Variants in C19orf84 observed in about 807,000 individuals in gnomAD.
C19orf84 encodes piRNA-mediated silencing protein C19orf84.
C19orf84 carries 1 observed loss-of-function variant against 4.0 expected under a neutral mutation model. The observed-to-expected ratio is 0.25, with a 90% CI of 0.09 to 1.19. The LOEUF (loss-of-function observed/expected upper bound fraction) is 1.19. Among genes scored for constraint, C19orf84 ranks in the 50% most tolerant of loss-of-function variants. The probability of loss-of-function intolerance (pLI) is 0.50; values close to 1 mark genes in which losing one functional copy is unlikely to be tolerated. For synonymous variants in C19orf84, 123 were observed against 109.6 expected (o/e 1.12, Z -0.76); for missense variants, 224 against 246.8 (o/e 0.91, Z 0.62).
chr19:51,389,096 G>C lies in C19orf84; in HGVS notation c.449C>G (p.Thr150Arg), dbSNP rs1987194558. 8.5e-6 allele frequency: 13 copies of C among 1,525,936 alleles called. No individual in the cohort carries two copies. Among genetic ancestry groups the C allele is most frequent in the Non-Finnish European group, 1.1e-5 (13 of 1,140,604 alleles). 94.5% of individuals were successfully genotyped at this position (1,525,936 alleles called of 1,614,324 possible). ...AGGCAGTGTTGGTGGTGATGGCAGT[G>C]TCATTGGTGGGGTCCTGGGGCCAGC... Reference protein sequence around the residue: ...PGAGPRTPPMTLPSPPTLPAQ... With the variant: ...PGAGPRTPPMRLPSPPTLPAQ... Residue 150 changes from threonine to arginine, a missense_variant, in exon 2 of 2, where the codon ACA becomes AGA. Coordinates refer to ENST00000574814, the MANE Select transcript of C19orf84 (RefSeq NM_001193623.2). The surrounding 1 kb of genome is among the most constrained non-coding windows in gnomAD (Gnocchi z 4.7).
intron 1 of C19orf84, among the ~76,000 whole-genome samples, chr19:51,390,170 T>G (rs1253502991): frequency 2.0e-5 from 3 of 151,954 alleles, no homozygotes; most frequent in South Asian, 2.1e-4. Context: ...GAGAGACAGA[T>G]TTCTCCATGT....
rs966880644 is a variant in C19orf84, at chr19:51,389,759, T to C, written c.36-250A>G. The stretch of plus-strand genomic sequence containing the variant: ...CAATTCCTGGTGGCCTCGCTTTTGG[T>C]GGTGTATCTTTGGACAAATCATTTT... On this transcript the variant is annotated intron_variant, in intron 1 of 1. Transcript: ENST00000574814. This position sits in a 1 kb window ranked among gnomAD's most constrained non-coding sequence, Gnocchi z 4.7. Among the ~76,000 whole-genome samples the C allele has an allele frequency of 6.6e-6, 1 of 152,204 alleles. No individual in the cohort carries two copies.
chr19:51,390,565 TC>T lies in C19orf84; in HGVS notation c.-54del. 6.6e-7 allele frequency: 1 copy of T among 1,504,850 alleles called. No homozygotes were observed. Among genetic ancestry groups the T allele is most frequent in the Non-Finnish European group, 8.9e-7 (1 of 1,129,174 alleles). The allele number at this position is 1,504,850 out of a possible 1,614,324, so 93.2% of individuals were successfully genotyped here. On this transcript the variant is annotated 5_prime_UTR_variant, in exon 1 of 2. Transcript: ENST00000574814. ...CTAGCAACTTCGCCTCCGAGATCCT[TC>T]GGGGGCCCGGGAAGGTTGGGGAGGG... is the stretch of plus-strand genomic sequence containing the variant.
At chr19:51,390,057 CA>C (rs1221104808) in intron 1 of C19orf84, among the ~76,000 whole-genome samples, 3 of 151,988 alleles carry the variant, frequency 2.0e-5, no homozygotes, top group Admixed American at 2.0e-4. Flanking sequence ...TGGCTCAACG[CA>C]ACCTCTGCCT....
chr19:51,389,010 C>T lies in C19orf84; in HGVS notation c.535G>A (p.Ala179Thr). The change falls in exon 2 of 2, where the codon GCT becomes ACT. Residue 179 changes from alanine to threonine, a missense_variant. Coordinates refer to ENST00000574814, the MANE Select transcript of C19orf84 (RefSeq NM_001193623.2). This position sits in a 1 kb window ranked among gnomAD's most constrained non-coding sequence, Gnocchi z 4.7. ...TAGTACTCTGTCTCCCAGTCCTCAG[C>T]AGCCAGTGGTGTTTCCAGGGGTGGC... is the stretch of plus-strand genomic sequence containing the variant. ...PEPPLETPLA[A>T]EDWETEY is the part of the protein sequence containing the mutation. The T allele has an allele frequency of 6.5e-7, 1 of 1,536,092 alleles. No homozygotes were observed. Among genetic ancestry groups the T allele is most frequent in the Non-Finnish European group, 8.7e-7 (1 of 1,146,892 alleles).
rs540448668 is a variant in C19orf84 at position 51,389,938 on chromosome 19, G to A, written c.36-429C>T. 4.9e-4 allele frequency among the ~76,000 whole-genome samples: 75 copies of A among 151,964 alleles called. No individual in the cohort carries two copies. Among genetic ancestry groups the A allele is most frequent in the Admixed American group, 1.1e-3 (17 of 15,270 alleles). On this transcript the variant is annotated intron_variant, in intron 1 of 1. Coordinates refer to ENST00000574814, the MANE Select transcript of C19orf84 (RefSeq NM_001193623.2). The surrounding 1 kb of genome is among the most constrained non-coding windows in gnomAD (Gnocchi z 4.7). ...ATCCCTGGAGTCTTCACATTTCTTGGTTTATTCTTGGAAATTTCTGTTCGA... is the reference window on the plus strand; with the variant it reads ...ATCCCTGGAGTCTTCACATTTCTTGATTTATTCTTGGAAATTTCTGTTCGA...
Position 51,390,557 on chromosome 19 carries a change from G to C in C19orf84, c.-45C>G, listed in dbSNP as rs1261865743. On this transcript the variant is annotated 5_prime_UTR_variant, in exon 1 of 2. Coordinates refer to ENST00000574814, the MANE Select transcript of C19orf84 (RefSeq NM_001193623.2). Reference sequence around the variant, plus strand: ...CGTATCTTCTAGCAACTTCGCCTCCGAGATCCTTCGGGGGCCCGGGAAGGT... The same window carrying C: ...CGTATCTTCTAGCAACTTCGCCTCCCAGATCCTTCGGGGGCCCGGGAAGGT... The C allele has an allele frequency of 6.6e-7, 1 of 1,510,208 alleles. No homozygotes were observed. The highest frequency in any genetic ancestry group is 8.8e-7 in the Non-Finnish European group (1 of 1,132,400). 93.6% of individuals were successfully genotyped at this position (1,510,208 alleles called of 1,614,324 possible).
At position 51,390,503 on chromosome 19, in the gene C19orf84, G is replaced by A. The variant is rs1420122084; in HGVS notation, c.10C>T (p.Pro4Ser). Residue 4 changes from proline (P) to serine (S), a missense_variant, in exon 1 of 2, where the codon CCA becomes TCA. Pro to Ser is a moderately conservative substitution (Grantham distance 74). Coordinates refer to ENST00000574814, the MANE Select transcript of C19orf84 (RefSeq NM_001193623.2). ...CCTTCAGGCCCAGCCCCGTCCTTTG[G>A]TTGTTCCATCTCCACTGGGGCCCTC... Reference protein sequence around the residue: MEQPKDGAGPEGNN... With the variant: MEQSKDGAGPEGNN... The A allele has an allele frequency of 1.3e-6, 2 of 1,531,784 alleles. No homozygotes were observed. Among genetic ancestry groups the A allele is most frequent in the Non-Finnish European group, 1.7e-6 (2 of 1,144,786 alleles). The allele number at this position is 1,531,784 out of a possible 1,614,324, so 94.9% of individuals were successfully genotyped here. A position where few individuals can be genotyped will look rare whatever the true frequency, so the allele number is the denominator to read the frequency against.
rs1472057690 is a variant in C19orf84 at position 51,389,712 on chromosome 19, G to A, written c.36-203C>T. On this transcript the variant is annotated intron_variant, in intron 1 of 1. Coordinates refer to ENST00000574814, the MANE Select transcript of C19orf84 (RefSeq NM_001193623.2). This position sits in a 1 kb window ranked among gnomAD's most constrained non-coding sequence, Gnocchi z 4.7. Reference sequence around the variant, plus strand: ...AACAGACAGCTCTGCCATGAACTTCGGCACCAGACAGAACTCAGTTCCAAT... The same window carrying A: ...AACAGACAGCTCTGCCATGAACTTCAGCACCAGACAGAACTCAGTTCCAAT... Among the ~76,000 whole-genome samples, 10 of 152,120 alleles carry A rather than the reference G, an allele frequency of 6.6e-5. No individual in the cohort carries two copies. The highest frequency in any genetic ancestry group is 4.1e-4 in the South Asian group (2 of 4,824).
At position 51,389,232 on chromosome 19, in the gene C19orf84, C is replaced by T; in HGVS notation, c.313G>A (p.Gly105Arg). 1 of 1,534,838 alleles carries T rather than the reference C, an allele frequency of 6.5e-7. No individual in the cohort carries two copies. The highest frequency in any genetic ancestry group is 8.7e-7 in the Non-Finnish European group (1 of 1,146,148). ...TGCCTGACTTCCCAGCCTCCGCGTCCCCTGGGAGGCCTCCTAACTGCCCCC... is the reference window on the plus strand; with the variant it reads ...TGCCTGACTTCCCAGCCTCCGCGTCTCCTGGGAGGCCTCCTAACTGCCCCC... ...QPGAVRRPPR[G>R]RGGWEVRHRP... Residue 105 changes from glycine to arginine, a missense_variant, in exon 2 of 2, where the codon GGA (glycine) becomes AGA (arginine). Coordinates refer to ENST00000574814, the MANE Select transcript of C19orf84 (RefSeq NM_001193623.2). The surrounding 1 kb of genome is among the most constrained non-coding windows in gnomAD (Gnocchi z 4.7).
In C19orf84 at chr19:51,388,990, C is replaced by T. The variant is rs1350068871; in HGVS notation, c.555G>A (p.Glu185=). Residue 185 remains glutamate (E), a synonymous_variant, in exon 2 of 2, where the codon GAG becomes GAA. Coordinates refer to ENST00000574814, the MANE Select transcript of C19orf84 (RefSeq NM_001193623.2). ...TGCCTGACCCTCCAAGGTCCTAGTA[C>T]TCTGTCTCCCAGTCCTCAGCAGCCA... ...TPLAAEDWET[E]Y 1.3e-6 allele frequency: 2 copies of T among 1,536,074 alleles called. No homozygotes were observed. Among genetic ancestry groups the T allele is most frequent in the Admixed American group, 2.0e-5 (1 of 51,002 alleles).
At position 51,388,558 on chromosome 19, in the gene C19orf84, A is replaced by G; in HGVS notation, c.*426T>C. The G allele has an allele frequency of 5.0e-6, 1 of 198,060 alleles. No individual in the cohort carries two copies. The highest frequency in any genetic ancestry group is 1.0e-5 in the Non-Finnish European group (1 of 95,978). 12.3% of individuals were successfully genotyped at this position (198,060 alleles called of 1,614,324 possible). On this transcript the variant is annotated 3_prime_UTR_variant, in exon 2 of 2. Coordinates refer to ENST00000574814, the MANE Select transcript of C19orf84 (RefSeq NM_001193623.2). ...GTTGAGGCGCAGAAGTGGAGCTGGG[A>G]CTGGTGACAGGGATGGGAATGAATG...
chr19:51,388,657 A>C lies in C19orf84; in HGVS notation c.*327T>G. The C allele has an allele frequency of 5.7e-6, 2 of 349,578 alleles. No individual in the cohort carries two copies. Among genetic ancestry groups the C allele is most frequent in the Non-Finnish European group, 1.0e-5 (2 of 191,024 alleles). The allele number at this position is 349,578 out of a possible 1,614,324, so 21.7% of individuals were successfully genotyped here. The stretch of plus-strand genomic sequence containing the variant: ...GTGGCTTTGGGATTAGGGAGAGGAT[A>C]GGGAATGGGGTTGGAGGAGCCCTGG... On this transcript the variant is annotated 3_prime_UTR_variant, in exon 2 of 2. Transcript: ENST00000574814.
At position 51,389,879 on chromosome 19, in the gene C19orf84, A is replaced by G. The variant is rs1987253990; in HGVS notation, c.36-370T>C. On this transcript the variant is annotated intron_variant, in intron 1 of 1. Coordinates refer to ENST00000574814, the MANE Select transcript of C19orf84 (RefSeq NM_001193623.2). The surrounding 1 kb of genome is among the most constrained non-coding windows in gnomAD (Gnocchi z 4.7). ...CGCTGGGTCTGGTAAGTGCTAAAACAGTGGACAGCTACGATTTCTCCAGCC... is the reference window on the plus strand; with the variant it reads ...CGCTGGGTCTGGTAAGTGCTAAAACGGTGGACAGCTACGATTTCTCCAGCC... 6.6e-6 allele frequency among the ~76,000 whole-genome samples: 1 copy of G among 152,190 alleles called. No individual in the cohort carries two copies. The highest frequency in any genetic ancestry group is 1.5e-5 in the Non-Finnish European group (1 of 68,032).
Position 51,390,549 on chromosome 19 carries a change from T to TCGTTG in C19orf84, c.-38_-37insCAACG. 1 of 1,513,290 alleles carries TCGTTG rather than the reference T, an allele frequency of 6.6e-7. No individual in the cohort carries two copies. The highest frequency in any genetic ancestry group is 8.8e-7 in the Non-Finnish European group (1 of 1,134,230). 93.7% of individuals were successfully genotyped at this position (1,513,290 alleles called of 1,614,324 possible). ...CCCTCTTACGTATCTTCTAGCAACT[T>TCGTTG]CGCCTCCGAGATCCTTCGGGGGCCC... On this transcript the variant is annotated 5_prime_UTR_variant, in exon 1 of 2. Transcript: ENST00000574814.
rs762994869 is a variant in C19orf84 at position 51,388,860 on chromosome 19, T to C, written c.*124A>G. The C allele has an allele frequency of 2.0e-5, 22 of 1,125,596 alleles. No individual in the cohort carries two copies. The highest frequency in any genetic ancestry group is 2.7e-5 in the Non-Finnish European group (22 of 812,646). The allele number at this position is 1,125,596 out of a possible 1,614,324, so 69.7% of individuals were successfully genotyped here. A position where few individuals can be genotyped will look rare whatever the true frequency, so the allele number is the denominator to read the frequency against. On this transcript the variant is annotated 3_prime_UTR_variant, in exon 2 of 2. Coordinates refer to ENST00000574814, the MANE Select transcript of C19orf84 (RefSeq NM_001193623.2). ...ACAGGAGCTACTCCTGGGATTGTGG[T>C]TTTGGGGAGAGGGGAGGATGGAAGA...
intron 1 of C19orf84, 67 bp downstream of exon 1, chr19:51,390,411 C>T: frequency 6.8e-7 from 1 of 1,480,184 alleles, no homozygotes; most frequent in South Asian, 1.3e-5. Context: ...CTTTCTCTCT[C>T]GTTTTCTCTG....
chr19:51,389,553 T>C lies in C19orf84; in HGVS notation c.36-44A>G, dbSNP rs1987234508. On this transcript the variant is annotated intron_variant, in intron 1 of 1. Transcript: ENST00000574814. This position sits in a 1 kb window ranked among gnomAD's most constrained non-coding sequence, Gnocchi z 4.7. Reference sequence around the variant, plus strand: ...AGGTCAGTGGGGCTCAGCGTCTCCGTACTTTCTTGTTTCTCGCTGCCAGGC... The same window carrying C: ...AGGTCAGTGGGGCTCAGCGTCTCCGCACTTTCTTGTTTCTCGCTGCCAGGC... The C allele has an allele frequency of 1.5e-6, 2 of 1,361,006 alleles. No homozygotes were observed. The highest frequency in any genetic ancestry group is 2.8e-5 in the East Asian group (1 of 36,288). 84.3% of individuals were successfully genotyped at this position (1,361,006 alleles called of 1,614,324 possible).
Position 51,389,423 on chromosome 19 carries a change from G to A in C19orf84, c.122C>T (p.Thr41Ile), listed in dbSNP as rs1290695970. 1 of 1,474,366 alleles carries A rather than the reference G, an allele frequency of 6.8e-7. No individual in the cohort carries two copies. The highest frequency in any genetic ancestry group is 2.5e-5 in the East Asian group (1 of 40,318). 91.3% of individuals were successfully genotyped at this position (1,474,366 alleles called of 1,614,324 possible). ...CGGGAGCCCCAGGTGGGTGGGGTCT[G>A]TGGAGTTCAGGAGCAAGGGTGGAGG... The part of the protein sequence containing the change: ...PAPPPLLLNS[T>I]DPTHLGLPES... The change falls in exon 2 of 2, where the codon ACA becomes ATA. Residue 41 changes from threonine (T) to isoleucine (I), a missense_variant. By Grantham distance (89) the Thr-to-Ile change is moderately conservative (BLOSUM62 -1). Transcript: ENST00000574814. This position sits in a 1 kb window ranked among gnomAD's most constrained non-coding sequence, Gnocchi z 4.7.
Sources: gnomAD v4.1 joint callset for allele counts (sites outside exome capture counted in the v4.1 genomes callset) on GRCh38, gnomAD v4.1.1 for gene constraint, Gnocchi (gnomAD v3.1) non-coding constraint, MANE v1.5 for transcripts, NCBI Gene and HGNC (gene_info 2026-07-23, HGNC 2026-07-21) for gene names.